Variants in NTRK3 observed in about 807,000 individuals in gnomAD.
NTRK3 encodes neurotrophic receptor tyrosine kinase 3.
In NTRK3, 24 loss-of-function variants were observed where a neutral mutation model predicts 91.7. The ratio of observed to expected loss-of-function variants is 0.26; its 90% CI spans 0.19 to 0.37. The LOEUF (loss-of-function observed/expected upper bound fraction) is 0.37, where lower values mean the gene tolerates loss of function less well. Ranked by LOEUF, NTRK3 falls within the 10% of genes least tolerant of loss-of-function variation. NTRK3 has a pLI of 1.00. For synonymous variants in NTRK3, 483 were observed against 404.0 expected (o/e 1.20, Z -2.34); for missense variants, 880 against 1,068.9 (o/e 0.82, Z 2.46).
exon 19 of NTRK3, chr15:87,867,148 T>C (rs2064704365): frequency 2.7e-5 from 6 of 225,246 alleles, no homozygotes; most frequent in Non-Finnish European, 5.3e-5. Flanking sequence ...CAAAAGCAAC[T>C]GATGAGGCGC....
intron 14 of NTRK3, chr15:87,979,005 G>T (rs1426157843): frequency 2.5e-6 from 1 of 401,758 alleles, no homozygotes; most frequent in Non-Finnish European, 4.5e-6. Flanking sequence ...TGGTTAGGTT[G>T]TTTTTGTAAA....
intron 13 of NTRK3, among the ~76,000 whole-genome samples, chr15:88,074,253 G>C (rs966708147): frequency 1.3e-5 from 2 of 152,198 alleles, no homozygotes; most frequent in African/African-American, 4.8e-5. Flanking sequence ...CTCTTGTCTT[G>C]CTGCCGGAAA....
chr15:88,159,318 A>C (rs1033398547), intron 5 of NTRK3, among the ~76,000 whole-genome samples: 1 of 152,210 alleles, frequency 6.6e-6, no homozygotes, highest in Non-Finnish European at 1.5e-5. Flanking sequence ...CTCCTCCAAG[A>C]TAAGAGGTTA....
chr15:88,143,233 T>C (rs528145186), intron 6 of NTRK3, among the ~76,000 whole-genome samples: 32 of 151,670 alleles, frequency 2.1e-4, no homozygotes, highest in African/African-American at 7.5e-4. Context: ...AAATATAAAA[T>C]GAAATAGAAA....
chr15:88,186,925 C>T (rs1567609409), intron 3 of NTRK3, among the ~76,000 whole-genome samples: 1 of 152,206 alleles, frequency 6.6e-6, no homozygotes, highest in African/African-American at 2.4e-5. Flanking sequence ...CAGGTTACTT[C>T]TCTGTCTGTG....
chr15:87,873,392 A>C (rs920663848), exon 19 of NTRK3: 1 of 230,074 alleles, frequency 4.3e-6, no homozygotes, highest in African/African-American at 2.2e-5. Flanking sequence ...ACATCCAAAG[A>C]AAGAAGAATT....
In NTRK3 at chr15:87,996,798, T is replaced by G. The variant is rs192307289; in HGVS notation, c.1585+36059A>C. ...AAGAACTGCGGTATACTCTACTCAGTTTAGAGCCACTTTAGACTTGCTAAG... is the reference window on the plus strand; with the variant it reads ...AAGAACTGCGGTATACTCTACTCAGGTTAGAGCCACTTTAGACTTGCTAAG... On this transcript the variant is annotated intron_variant, in intron 14 of 18. Transcript: ENST00000394480. 2.0e-4 allele frequency among the ~76,000 whole-genome samples: 31 copies of G among 152,286 alleles called. 1 individual carries two copies. The East Asian group carries it at 5.8e-3, about 28-fold the overall frequency.
At chr15:88,058,621 G>A (rs559888489) in intron 13 of NTRK3, among the ~76,000 whole-genome samples, 9 of 152,102 alleles carry the variant, frequency 5.9e-5, no homozygotes, top group Non-Finnish European at 1.2e-4. Context: ...CCCAATGCCC[G>A]TTCCTGAGAA....
chr15:87,990,239 G>T (rs1332867995), intron 14 of NTRK3, among the ~76,000 whole-genome samples: 1 of 152,082 alleles, frequency 6.6e-6, no homozygotes, highest in African/African-American at 2.4e-5. Context: ...AACCCAGATA[G>T]GGGTCAGCCA....
Position 88,161,348 on chromosome 15 carries a change from C to T in NTRK3, c.396-13945G>A, listed in dbSNP as rs77148551. On this transcript the variant is annotated intron_variant, in intron 5 of 18. Coordinates refer to ENST00000394480, the Ensembl canonical transcript of NTRK3. ...GGATTGAACCCCAGCAGTCTGGATGCAGAGTCTGTGCCCTTTACTACCTGC... is the reference window on the plus strand; with the variant it reads ...GGATTGAACCCCAGCAGTCTGGATGTAGAGTCTGTGCCCTTTACTACCTGC... Among the ~76,000 whole-genome samples the T allele has an allele frequency of 1.6e-4, 25 of 152,276 alleles. No homozygotes were observed. The East Asian group carries it at 4.8e-3, about 29-fold the overall frequency.
At chr15:87,996,020 G>A (rs573370048) in intron 14 of NTRK3, among the ~76,000 whole-genome samples, 1 of 152,060 alleles carries the variant, frequency 6.6e-6, no homozygotes, top group East Asian at 1.9e-4. Context: ...GAGGCAGGTG[G>A]ATCACCTGAG....
At chr15:88,140,382 C>A (rs1439909674) in intron 6 of NTRK3, among the ~76,000 whole-genome samples, 1 of 152,138 alleles carries the variant, frequency 6.6e-6, no homozygotes, top group African/African-American at 2.4e-5. Flanking sequence ...TTGGCCAGAC[C>A]CAGCTGTAAC....
intron 5 of NTRK3, among the ~76,000 whole-genome samples, chr15:88,176,858 T>C (rs1435167720): frequency 6.6e-6 from 1 of 152,132 alleles, no homozygotes; most frequent in Non-Finnish European, 1.5e-5. Context: ...TCAATAGTAA[T>C]AAAGGCGAAG....
intron 3 of NTRK3, among the ~76,000 whole-genome samples, chr15:88,193,919 C>T (rs376619515): frequency 4.6e-5 from 7 of 152,290 alleles, no homozygotes; most frequent in Admixed American, 1.3e-4. Flanking sequence ...TTAAAAGAAT[C>T]GTCTACACCT....
chr15:87,883,279 ATTATAT>A (rs2065352936), intron 17 of NTRK3, among the ~76,000 whole-genome samples: 1 of 149,240 alleles, frequency 6.7e-6, no homozygotes, highest in Admixed American at 6.7e-5. Flanking sequence ...CATAATTAAT[ATTATAT>A]TTAAAGCTGG....
intron 17 of NTRK3, among the ~76,000 whole-genome samples, chr15:87,917,309 T>A (rs2067516315): frequency 6.6e-6 from 1 of 152,126 alleles, no homozygotes; most frequent in South Asian, 2.1e-4. Flanking sequence ...CTGAAAGGAA[T>A]AAGGAAGGAA....
chr15:88,161,171 A>G (rs2044419446), intron 5 of NTRK3, among the ~76,000 whole-genome samples: 1 of 152,344 alleles, frequency 6.6e-6, no homozygotes, highest in Non-Finnish European at 1.5e-5. Flanking sequence ...AGGGTTTTGC[A>G]TATAAGAGTT....
At chr15:87,956,676 T>C (rs2071696642) in intron 14 of NTRK3, among the ~76,000 whole-genome samples, 1 of 152,020 alleles carries the variant, frequency 6.6e-6, no homozygotes, top group Non-Finnish European at 1.5e-5. Flanking sequence ...TTCAAGCAAT[T>C]CTCCCCGCTT....
chr15:87,980,500 CATGT>C (rs1004821453), intron 14 of NTRK3, among the ~76,000 whole-genome samples: 2 of 151,926 alleles, frequency 1.3e-5, no homozygotes, highest in African/African-American at 4.8e-5. Context: ...TGTGTGTTTG[CATGT>C]ATGTGCGAAT....
Sources: gnomAD v4.1 joint callset for allele counts (sites outside exome capture counted in the v4.1 genomes callset) on GRCh38, gnomAD v4.1.1 for gene constraint, MANE v1.5 for transcripts, NCBI Gene and HGNC (gene_info 2026-07-23, HGNC 2026-07-21) for gene names.